Variants in NPSR1 observed in about 807,000 individuals in gnomAD.
The protein encoded by NPSR1 is neuropeptide S receptor.
NPSR1 carries 48 observed loss-of-function variants against 46.9 expected under a neutral mutation model. The ratio of observed to expected loss-of-function variants is 1.02; its 90% CI spans 0.81 to 1.30. The LOEUF (loss-of-function observed/expected upper bound fraction) is 1.30. Among genes scored for constraint, NPSR1 ranks in the 50% most tolerant of loss-of-function variants. The pLI, the probability that NPSR1 is intolerant of heterozygous loss-of-function variation, is 0.00. For missense variants in NPSR1, 450 were observed against 449.5 expected, an observed-to-expected ratio of 1.00 and a Z score of -0.01; for synonymous variants, 176 against 168.1, an observed-to-expected ratio of 1.05 and a Z score of -0.36.
chr7:34,870,999 G>C (rs1227076422), intron 8 of NPSR1, among the ~76,000 whole-genome samples: 4 of 151,902 alleles, frequency 2.6e-5, no homozygotes, highest in Non-Finnish European at 1.5e-5. Flanking sequence ...AGCAGAAGTT[G>C]TGAATGGCTT....
chr7:34,661,971 C>G (rs955271441), intron 1 of NPSR1, among the ~76,000 whole-genome samples: 5 of 152,180 alleles, frequency 3.3e-5, no homozygotes, highest in African/African-American at 1.2e-4. Context: ...ATACAAAACT[C>G]TTCACACAGA....
intron 3 of NPSR1, among the ~76,000 whole-genome samples, chr7:34,809,047 A>C (rs550855239): frequency 7.9e-5 from 12 of 152,106 alleles, no homozygotes; most frequent in Non-Finnish European, 1.5e-4. Context: ...ACCTCCCTCA[A>C]GACAGCCACA....
chr7:34,731,163 TTAGAATATAAA>T (rs1784398866), intron 2 of NPSR1, among the ~76,000 whole-genome samples: 1 of 152,138 alleles, frequency 6.6e-6, no homozygotes. Flanking sequence ...ATTTAAATGT[TTAGAATATAAA>T]TAATATTTAC....
intron 3 of NPSR1, among the ~76,000 whole-genome samples, chr7:34,798,657 G>A (rs1788311314): frequency 1.3e-5 from 2 of 152,148 alleles, no homozygotes. Flanking sequence ...ACTTCATCCA[G>A]TAATAGCAGA....
At chr7:34,844,001 G>C (rs1437622313) in intron 6 of NPSR1, among the ~76,000 whole-genome samples, 2 of 152,238 alleles carry the variant, frequency 1.3e-5, no homozygotes, top group African/African-American at 4.8e-5. Flanking sequence ...GTGCTTATCA[G>C]AGCAAGGGCC....
At chr7:34,844,719 C>T (rs1167215525) in intron 6 of NPSR1, among the ~76,000 whole-genome samples, 177 bp from the exon 7 acceptor site, 2 of 152,282 alleles carry the variant, frequency 1.3e-5, no homozygotes, top group African/African-American at 4.8e-5. Context: ...TGAGCATTCT[C>T]CAGAAACCAG....
At chr7:34,737,723 CCTTCT>C (rs1172085155) in intron 2 of NPSR1, among the ~76,000 whole-genome samples, 2 of 152,122 alleles carry the variant, frequency 1.3e-5, no homozygotes, top group Non-Finnish European at 2.9e-5. Flanking sequence ...TTTATTGGTT[CCTTCT>C]CTTATTTCTG....
chr7:34,668,343 T>A (rs1376273724), intron 1 of NPSR1, among the ~76,000 whole-genome samples: 2 of 152,244 alleles, frequency 1.3e-5, no homozygotes, highest in Non-Finnish European at 2.9e-5. Flanking sequence ...ATAGAAGATA[T>A]TCTTTTGGCT....
chr7:34,687,569 G>T (rs1451531282), intron 2 of NPSR1, among the ~76,000 whole-genome samples: 1 of 152,142 alleles, frequency 6.6e-6, no homozygotes, highest in African/African-American at 2.4e-5. Flanking sequence ...ATCAGATCTT[G>T]TGAGACTCAC....
At chr7:34,751,435 T>C in intron 2 of NPSR1, 1 of 1,076,088 alleles carries the variant, frequency 9.3e-7, no homozygotes, top group Non-Finnish European at 1.5e-6. Context: ...CAGTGTCTGT[T>C]TGCCATCCAA....
intron 4 of NPSR1, among the ~76,000 whole-genome samples, chr7:34,823,399 G>GAAAAAAAAAAAAAAAAAAAAAAAAAAAA (rs577186339): frequency 1.0e-4 from 7 of 68,274 alleles, no homozygotes; most frequent in South Asian, 8.8e-4. Context: ...GACTTCACCA[G>GAAAAAAAAAAAAAAAAAAAAAAAAAAAA]AAAAAAAAAA....
At chr7:34,877,286 C>A (rs1300128997) in intron 8 of NPSR1, among the ~76,000 whole-genome samples, 2 of 152,114 alleles carry the variant, frequency 1.3e-5, no homozygotes, top group Non-Finnish European at 2.9e-5. Context: ...AGCACAGAGC[C>A]AAGCTGAGAT....
At position 34,834,462 on chromosome 7, in the gene NPSR1, TA is replaced by T; in HGVS notation, c.757+4del. The T allele has an allele frequency of 6.2e-7, 1 of 1,606,002 alleles. No homozygotes were observed. The highest frequency in any genetic ancestry group is 8.5e-7 in the Non-Finnish European group (1 of 1,172,726). ...AAACAGTGATTTCCAACTGCTCAGG[TA>T]AGTCTCTACTCTGCATGGCCCAATT... is the stretch of plus-strand genomic sequence containing the variant. On this transcript the variant is annotated splice_donor_region_variant and intron_variant, in intron 6 of 8. Transcript: ENST00000360581.
chr7:34,809,778 C>T lies in NPSR1; in HGVS notation c.385-1992C>T, dbSNP rs533346203. ...AGTTATTTTTCCTGATCCTAACCCT[C>T]CTCCCACCCTACACCCTCCTATAGG... On this transcript the variant is annotated intron_variant, in intron 3 of 8. Transcript: ENST00000360581. 7.2e-5 allele frequency among the ~76,000 whole-genome samples: 11 copies of T among 152,204 alleles called. No homozygotes were observed. In the East Asian group the frequency reaches 1.9e-3, roughly 27 times the overall value.
intron 8 of NPSR1, among the ~76,000 whole-genome samples, chr7:34,864,124 A>G (rs754558453): frequency 1.4e-4 from 22 of 151,918 alleles, no homozygotes; most frequent in Non-Finnish European, 2.6e-4. Context: ...ACACAGGAAC[A>G]GAAAACCAAA....
At chr7:34,710,408 T>G (rs533158647) in intron 2 of NPSR1, among the ~76,000 whole-genome samples, 1 of 152,354 alleles carries the variant, frequency 6.6e-6, no homozygotes, top group South Asian at 2.1e-4. Flanking sequence ...GTGACTAAAC[T>G]GCCATTTGTA....
chr7:34,731,129 TAATACA>T (rs961270269), intron 2 of NPSR1, among the ~76,000 whole-genome samples: 7 of 152,196 alleles, frequency 4.6e-5, no homozygotes, highest in African/African-American at 1.7e-4. Context: ...AAGATTTTTT[TAATACA>T]AATAGAATTA....
At chr7:34,689,851 G>A (rs1793155887) in intron 2 of NPSR1, among the ~76,000 whole-genome samples, 1 of 150,870 alleles carries the variant, frequency 6.6e-6, no homozygotes, top group Admixed American at 6.6e-5. Flanking sequence ...AGGCTGAGGT[G>A]GGAGAATTAT....
At chr7:34,778,605 C>T (rs772360309) in intron 3 of NPSR1, 40 bp downstream of exon 3, 6 of 1,235,340 alleles carry the variant, frequency 4.9e-6, no homozygotes, top group East Asian at 4.7e-5. Flanking sequence ...CAAACTGATA[C>T]CAGAGTTAGC....
Sources: gnomAD v4.1 joint callset for allele counts (sites outside exome capture counted in the v4.1 genomes callset) on GRCh38, gnomAD v4.1.1 for gene constraint, MANE v1.5 for transcripts, NCBI Gene and HGNC (gene_info 2026-07-23, HGNC 2026-07-21) for gene names.